AGMO: variants seen among roughly 807,000 people sequenced by gnomAD.
AGMO encodes alkylglycerol monooxygenase.
Under a neutral mutation model 60.2 loss-of-function variants are expected in AGMO, and 75 were observed. That is an observed-to-expected ratio of 1.25 (90% CI 1.03 to 1.51). The LOEUF is 1.51. Ranked by LOEUF, AGMO falls within the 40% of genes most tolerant of loss-of-function variation. The pLI is 0.00. For synonymous variants in AGMO, 261 were observed against 177.1 expected (o/e 1.47, Z -3.76); for missense variants, 763 against 525.5 (o/e 1.45, Z -4.42).
At chr7:15,332,344 G>C (rs1247355509) in intron 12 of AGMO, among the ~76,000 whole-genome samples, 2 of 152,056 alleles carry the variant, frequency 1.3e-5, no homozygotes, top group Non-Finnish European at 2.9e-5. Context: ...GCAAGAAATT[G>C]AGTTCATCTA....
intron 12 of AGMO, among the ~76,000 whole-genome samples, chr7:15,342,620 C>A (rs1234015272): frequency 6.6e-6 from 1 of 151,770 alleles, no homozygotes; most frequent in African/African-American, 2.4e-5. Context: ...AATATCTTGA[C>A]TAACAGATTT....
intron 12 of AGMO, among the ~76,000 whole-genome samples, chr7:15,237,113 C>T (rs1782446240): frequency 6.6e-6 from 1 of 151,704 alleles, no homozygotes; most frequent in Admixed American, 6.6e-5. Context: ...TGGAACTTCC[C>T]TAAAGATTAT....
chr7:15,213,941 T>C (rs951760910), intron 12 of AGMO, among the ~76,000 whole-genome samples: 4 of 152,028 alleles, frequency 2.6e-5, no homozygotes, highest in Admixed American at 2.0e-4. Flanking sequence ...ATTTCACAGG[T>C]AAAAACATTT....
chr7:15,174,666 C>T, the AGMO span, among the ~76,000 whole-genome samples: 1 of 152,014 alleles, frequency 6.6e-6, no homozygotes, highest in African/African-American at 2.4e-5. Flanking sequence ...ACCAAGCACT[C>T]CCAGATCTAG....
At chr7:15,391,796 T>C (rs1049229029) in intron 6 of AGMO, among the ~76,000 whole-genome samples, 1 of 152,140 alleles carries the variant, frequency 6.6e-6, no homozygotes, top group South Asian at 2.1e-4. Flanking sequence ...TAAGGAACAT[T>C]TGGCAATTTC....
intron 12 of AGMO, among the ~76,000 whole-genome samples, chr7:15,310,154 A>C (rs1037890983): frequency 1.3e-5 from 2 of 152,172 alleles, no homozygotes; most frequent in Non-Finnish European, 2.9e-5. Context: ...GGCACACTTT[A>C]AATAGATCAA....
In AGMO at chr7:15,561,899, GC is replaced by G. The variant is rs1375454443; in HGVS notation, c.-55del. 7.2e-6 allele frequency: 11 copies of G among 1,530,192 alleles called. No individual in the cohort carries two copies. The highest frequency in any genetic ancestry group is 9.7e-6 in the Non-Finnish European group (11 of 1,132,074). 94.8% of individuals were successfully genotyped at this position (1,530,192 alleles called of 1,614,324 possible). A position where few individuals can be genotyped will look rare whatever the true frequency, so the allele number is the denominator to read the frequency against. Reference sequence around the variant, plus strand: ...GAATATTTAGGATTCAATGCTTGAAGCCTGAGGCTGAACAAAGAGGACGAGA... The same window carrying G: ...GAATATTTAGGATTCAATGCTTGAAGCTGAGGCTGAACAAAGAGGACGAGA... On this transcript the variant is annotated 5_prime_UTR_variant, in exon 1 of 13. Transcript: ENST00000342526.
At chr7:15,365,888 A>C in intron 11 of AGMO, among the ~76,000 whole-genome samples, 1 of 151,992 alleles carries the variant, frequency 6.6e-6, no homozygotes, top group East Asian at 1.9e-4. Context: ...TAGGCAACTA[A>C]ATTTCTAGGG....
At chr7:15,194,465 G>T in the AGMO span, among the ~76,000 whole-genome samples, 1 of 152,074 alleles carries the variant, frequency 6.6e-6, no homozygotes, top group African/African-American at 2.4e-5. Context: ...TATGCCCTCT[G>T]CAGTTGCATG....
intron 12 of AGMO, among the ~76,000 whole-genome samples, chr7:15,265,277 A>G (rs1468631906): frequency 6.6e-6 from 1 of 151,978 alleles, no homozygotes. Flanking sequence ...AATGGGGACT[A>G]TTAGATGGGG....
chr7:15,465,313 C>G (rs1308614220), intron 3 of AGMO, among the ~76,000 whole-genome samples: 1 of 151,344 alleles, frequency 6.6e-6, no homozygotes, highest in Non-Finnish European at 1.5e-5. Context: ...ATATAGAAGT[C>G]TTCCGAAATT....
the AGMO span, among the ~76,000 whole-genome samples, chr7:15,191,753 T>C: frequency 1.3e-5 from 2 of 152,164 alleles, no homozygotes; most frequent in Admixed American, 6.6e-5. Context: ...CATTCTTTTA[T>C]TTGCCAAGTT....
At chr7:15,153,213 T>C in the AGMO span, among the ~76,000 whole-genome samples, 22 of 152,228 alleles carry the variant, frequency 1.4e-4, no homozygotes, top group African/African-American at 4.3e-4. Flanking sequence ...TGCTGATTTG[T>C]TTAAACTCTT....
intron 12 of AGMO, among the ~76,000 whole-genome samples, chr7:15,221,827 G>A (rs1450583403): frequency 2.0e-5 from 3 of 152,092 alleles, no homozygotes; most frequent in Admixed American, 2.0e-4. Flanking sequence ...TTCTATTGCA[G>A]TATCCGTGAA....
At chr7:15,152,568 C>T in the AGMO span, among the ~76,000 whole-genome samples, 1 of 152,104 alleles carries the variant, frequency 6.6e-6, no homozygotes. Context: ...TAGCTTAACT[C>T]CCAATTATGA....
chr7:15,257,033 T>C (rs139932798), intron 12 of AGMO, among the ~76,000 whole-genome samples: 1 of 152,300 alleles, frequency 6.6e-6, no homozygotes, highest in Non-Finnish European at 1.5e-5. Flanking sequence ...TTTCCATGAT[T>C]CTATACTTCT....
At chr7:15,345,768 C>A (rs10249378) in intron 12 of AGMO, among the ~76,000 whole-genome samples, 2 of 152,144 alleles carry the variant, frequency 1.3e-5, no homozygotes, top group Non-Finnish European at 2.9e-5. Flanking sequence ...TGATAACTTA[C>A]TTATCTATAT....
intron 8 of AGMO, among the ~76,000 whole-genome samples, chr7:15,389,512 G>C (rs977024828): frequency 1.1e-4 from 16 of 152,152 alleles, no homozygotes; most frequent in African/African-American, 3.9e-4. Flanking sequence ...CCATATAGTT[G>C]AGAAGAAAGA....
chr7:15,517,260 G>C (rs1486237536), intron 3 of AGMO, among the ~76,000 whole-genome samples: 1 of 151,456 alleles, frequency 6.6e-6, no homozygotes, highest in East Asian at 1.9e-4. Flanking sequence ...AAATTAAAAA[G>C]ATAACAAAAT....
Sources: allele counts gnomAD v4.1 joint callset (sites outside exome capture counted in the v4.1 genomes callset), GRCh38; gene constraint gnomAD v4.1.1; transcripts MANE v1.5; gene names NCBI Gene and HGNC (gene_info 2026-07-23, HGNC 2026-07-21).